The following CFAP99 variants were observed in gnomAD, a reference collection of about 807,000 sequenced individuals.
CFAP99 encodes cilia- and flagella-associated protein 99.
Under a neutral mutation model 82.7 loss-of-function variants are expected in CFAP99, and 84 were observed. The observed-to-expected ratio is 1.02, with a 90% CI of 0.85 to 1.22. The LOEUF is 1.22. Ranked by LOEUF, CFAP99 falls within the 50% of genes most tolerant of loss-of-function variation. The pLI, the probability that CFAP99 is intolerant of heterozygous loss-of-function variation, is 0.00. For missense variants in CFAP99, 1,059 were observed against 983.5 expected (o/e 1.08, Z -1.03); for synonymous variants, 456 against 429.5 (o/e 1.06, Z -0.76).
chr4:2,460,324 C>A (rs1280081596), intron 14 of CFAP99, 82 bp downstream of exon 14: 2 of 1,270,358 alleles, frequency 1.6e-6, no homozygotes, highest in Admixed American at 2.0e-5. Context: ...CTGGGTGGGT[C>A]TCCTAGAAAC....
Position 2,459,959 on chromosome 4 carries a change from A to G in CFAP99, c.1456-78A>G. The G allele has an allele frequency of 4.5e-6, 6 of 1,347,982 alleles. No individual in the cohort carries two copies. In the South Asian group the frequency reaches 7.5e-5, roughly 17 times the overall value. The allele number at this position is 1,347,982 out of a possible 1,614,324, so 83.5% of individuals were successfully genotyped here. A position where few individuals can be genotyped will look rare whatever the true frequency, so the allele number is the denominator to read the frequency against. ...AGGTGGGCAAGGGGTGGGCCTATGGAACAGGGGAGGGATCCTGGTGGGAAG... is the reference window on the plus strand; with the variant it reads ...AGGTGGGCAAGGGGTGGGCCTATGGGACAGGGGAGGGATCCTGGTGGGAAG... On this transcript the variant is annotated intron_variant, in intron 13 of 14. Coordinates refer to ENST00000635017, the Ensembl canonical transcript of CFAP99.
intron 1 of CFAP99, among the ~76,000 whole-genome samples, chr4:2,424,225 C>T (rs1409953564): frequency 6.6e-6 from 1 of 152,198 alleles, no homozygotes; most frequent in East Asian, 1.9e-4. Flanking sequence ...TTGAGACCAG[C>T]CTGGCCAACA....
chr4:2,445,960 A>G (rs61790172), intron 6 of CFAP99, among the ~76,000 whole-genome samples: 9,421 of 152,242 alleles, frequency 0.062, 380 homozygotes, highest in Non-Finnish European at 0.093. Context: ...CCTGCCTTGA[A>G]TTGATCACTG....
Position 2,462,381 on chromosome 4 carries a change from A to G in CFAP99, c.1662-62A>G. The G allele has an allele frequency of 7.3e-7, 1 of 1,365,914 alleles. No individual in the cohort carries two copies. The highest frequency in any genetic ancestry group is 9.4e-7 in the Non-Finnish European group (1 of 1,067,406). 84.6% of individuals were successfully genotyped at this position (1,365,914 alleles called of 1,614,324 possible). A position where few individuals can be genotyped will look rare whatever the true frequency, so the allele number is the denominator to read the frequency against. ...CCCGCGTCGCTTGGACACGGGTGGC[A>G]TCCTGGGTCTGGCCTGGGCCTCCCG... On this transcript the variant is annotated intron_variant, in intron 14 of 14. Transcript: ENST00000635017. The surrounding 1 kb of genome is among the most constrained non-coding windows in gnomAD (Gnocchi z 4.1).
intron 11 of CFAP99, among the ~76,000 whole-genome samples, chr4:2,454,570 T>A (rs1272203682): frequency 6.7e-6 from 1 of 149,506 alleles, no homozygotes; most frequent in African/African-American, 2.5e-5. Flanking sequence ...TCTTTTTTTG[T>A]TGTTTTTTTT....
intron 3 of CFAP99, among the ~76,000 whole-genome samples, chr4:2,437,412 G>T (rs1482945835): frequency 6.6e-6 from 1 of 152,212 alleles, no homozygotes; most frequent in East Asian, 1.9e-4. Context: ...CGCTGCCTGG[G>T]CTTCCTGCAG....
chr4:2,447,337 A>AGTGGATGG (rs569331716), intron 6 of CFAP99, among the ~76,000 whole-genome samples: 9 of 145,686 alleles, frequency 6.2e-5, no homozygotes, highest in African/African-American at 2.0e-4. Flanking sequence ...TGGAAGGATA[A>AGTGGATGG]GTGGATGGGT....
At chr4:2,458,840 C>G in exon 12 of CFAP99, 3 of 1,535,624 alleles carry the variant, frequency 2.0e-6, no homozygotes, top group Non-Finnish European at 2.6e-6. Flanking sequence ...CCAGACGAAG[C>G]TCGCGAAGGG....
intron 10 of CFAP99, 142 bp downstream of exon 10, chr4:2,451,494 G>GTCCT: frequency 1.4e-6 from 1 of 715,292 alleles, no homozygotes; most frequent in Admixed American, 2.5e-5. Context: ...CAGCAACAGG[G>GTCCT]GCGACAAGCA....
chr4:2,449,565 C>T (rs1199759912), intron 6 of CFAP99, 105 bp from the exon 7 acceptor site: 3 of 1,010,670 alleles, frequency 3.0e-6, no homozygotes, highest in Non-Finnish European at 4.4e-6. Context: ...GCCGCCACCA[C>T]CCTCCCCTTC....
chr4:2,426,730 C>G (rs1405725062), intron 2 of CFAP99, 144 bp downstream of exon 2: 2 of 634,164 alleles, frequency 3.2e-6, no homozygotes, highest in Admixed American at 2.4e-5. Flanking sequence ...CAGAGACCTG[C>G]TCTTCGTATG....
At chr4:2,436,434 G>T (rs1416587754) in intron 2 of CFAP99, among the ~76,000 whole-genome samples, 2 of 152,178 alleles carry the variant, frequency 1.3e-5, no homozygotes, top group African/African-American at 4.8e-5. Flanking sequence ...GTTCCGTGGG[G>T]TTAGGCACAT....
chr4:2,444,222 G>C (rs758137546), intron 5 of CFAP99, among the ~76,000 whole-genome samples: 14 of 152,128 alleles, frequency 9.2e-5, no homozygotes, highest in Non-Finnish European at 1.5e-4. Context: ...TAGACTCACT[G>C]CCCACTCAGG....
chr4:2,446,765 G>T lies in CFAP99; in HGVS notation c.642+1457G>T, dbSNP rs140208588. On this transcript the variant is annotated intron_variant, in intron 6 of 14. Coordinates refer to ENST00000635017, the Ensembl canonical transcript of CFAP99. The surrounding 1 kb of genome is among the most constrained non-coding windows in gnomAD (Gnocchi z 5.0). ...AACCTCAGTAAATACCAGTTGGATG[G>T]ATGGATGGGTGGATGGATTATCAGA... Among the ~76,000 whole-genome samples, 109 of 152,344 alleles carry T rather than the reference G, an allele frequency of 7.2e-4. No individual in the cohort carries two copies. Among genetic ancestry groups the T allele is most frequent in the African/African-American group, 2.6e-3 (106 of 41,568 alleles).
At chr4:2,458,603 G>T in intron 11 of CFAP99, 120 bp from the exon 12 acceptor site, 1 of 1,304,510 alleles carries the variant, frequency 7.7e-7, no homozygotes, top group South Asian at 1.6e-5. Flanking sequence ...GTTCTGGGGT[G>T]ATTCAAGGGC....
chr4:2,442,566 C>T (rs1265302342), intron 4 of CFAP99, among the ~76,000 whole-genome samples: 1 of 152,162 alleles, frequency 6.6e-6, no homozygotes, highest in Non-Finnish European at 1.5e-5. Flanking sequence ...TCCTCGGCCA[C>T]CTCCCAAGTC....
rs1169849158 is a variant in CFAP99 at position 2,449,865 on chromosome 4, G to A, written c.724-69G>A. On this transcript the variant is annotated intron_variant, in intron 7 of 14. Coordinates refer to ENST00000635017, the Ensembl canonical transcript of CFAP99. ...AGAGGGGGAGGCTGGGTGGAAGTTC[G>A]TCCTCCCATGGCCTGGAGGACACTG... The A allele has an allele frequency of 1.3e-5, 20 of 1,530,340 alleles. No individual in the cohort carries two copies. The Admixed American group carries it at 2.2e-4, about 17-fold the overall frequency. 94.8% of individuals were successfully genotyped at this position (1,530,340 alleles called of 1,614,324 possible).
intron 11 of CFAP99, among the ~76,000 whole-genome samples, chr4:2,453,737 CTGACTT>C (rs1349357943): frequency 7.5e-6 from 1 of 133,428 alleles, no homozygotes; most frequent in Admixed American, 7.5e-5. Flanking sequence ...CTTCATTTCC[CTGACTT>C]TTTTTTTTTT....
intron 6 of CFAP99, among the ~76,000 whole-genome samples, chr4:2,447,396 G>T (rs1433276826): frequency 5.9e-5 from 9 of 151,822 alleles, no homozygotes; most frequent in African/African-American, 2.2e-4. Context: ...ATGATCAAAT[G>T]GTAGGATGGT....
Sources: allele counts gnomAD v4.1 joint callset (sites outside exome capture counted in the v4.1 genomes callset), GRCh38; gene constraint gnomAD v4.1.1; non-coding constraint Gnocchi (gnomAD v3.1); transcripts MANE v1.5; gene names NCBI Gene and HGNC (gene_info 2026-07-23, HGNC 2026-07-21).